SYN2: variants seen among roughly 807,000 people sequenced by gnomAD.
SYN2 encodes synapsin-2.
In SYN2, 19 loss-of-function variants were observed where a neutral mutation model predicts 50.9. The observed-to-expected ratio is 0.37, with a 90% CI of 0.26 to 0.55. SYN2 has a LOEUF of 0.55. SYN2 is among the 20% of genes least tolerant of loss of function. The pLI, the probability that SYN2 is intolerant of heterozygous loss-of-function variation, is 0.81. For synonymous variants in SYN2, 255 were observed against 224.9 expected (o/e 1.13, Z -1.20); for missense variants, 587 against 576.4 (o/e 1.02, Z -0.19).
At chr3:12,058,334 G>A (rs1695039835) in intron 1 of SYN2, among the ~76,000 whole-genome samples, 1 of 152,138 alleles carries the variant, frequency 6.6e-6, no homozygotes, top group African/African-American at 2.4e-5. Flanking sequence ...ATTAAGATAT[G>A]CTATTATGCT....
At chr3:12,153,495 G>C in intron 5 of SYN2, 1 of 1,612,430 alleles carries the variant, frequency 6.2e-7, no homozygotes, top group Non-Finnish European at 8.5e-7. Flanking sequence ...TTGAAGGGAT[G>C]TGATGGTCAC....
In SYN2 at chr3:12,071,240, G is replaced by A. The variant is rs575631237; in HGVS notation, c.377+66312G>A. 4.9e-5 allele frequency: 27 copies of A among 554,826 alleles called. 1 individual carries two copies. Among genetic ancestry groups the A allele is most frequent in the South Asian group, 1.6e-4 (11 of 68,122 alleles). The allele number at this position is 554,826 out of a possible 1,614,324, so 34.4% of individuals were successfully genotyped here. ...ATCAAGATCATCGTGCCCCCAGAGCGCAAGTACTCTGTGTGGATCTGCAGC... is the reference window on the plus strand; with the variant it reads ...ATCAAGATCATCGTGCCCCCAGAGCACAAGTACTCTGTGTGGATCTGCAGC... On this transcript the variant is annotated intron_variant, in intron 1 of 12. Transcript: ENST00000621198.
chr3:12,167,069 TG>T (rs1697817686), intron 7 of SYN2, among the ~76,000 whole-genome samples, 164 bp from the exon 8 acceptor site: 1 of 152,188 alleles, frequency 6.6e-6, no homozygotes, highest in Non-Finnish European at 1.5e-5. Flanking sequence ...GGTGGGGATT[TG>T]GCAGAGGCAC....
intron 1 of SYN2, among the ~76,000 whole-genome samples, chr3:12,081,500 C>G (rs1695586903): frequency 6.6e-6 from 1 of 151,868 alleles, no homozygotes; most frequent in Admixed American, 6.6e-5. Context: ...GTTATCAATG[C>G]AAATTGCAAA....
chr3:12,161,246 T>A (rs1697640964), intron 5 of SYN2, among the ~76,000 whole-genome samples: 3 of 152,210 alleles, frequency 2.0e-5, no homozygotes. Flanking sequence ...ATTCTCTTTG[T>A]CTGAGGGCCA....
At chr3:12,164,819 T>A (rs1292753380) in intron 7 of SYN2, among the ~76,000 whole-genome samples, 1 of 152,118 alleles carries the variant, frequency 6.6e-6, no homozygotes, top group East Asian at 1.9e-4. Flanking sequence ...AATGTAAGGA[T>A]GATGTTATTT....
At chr3:12,086,630 G>A (rs1199404010) in intron 1 of SYN2, among the ~76,000 whole-genome samples, 7 of 152,120 alleles carry the variant, frequency 4.6e-5, no homozygotes, top group East Asian at 1.9e-4. Context: ...TCATCATCTC[G>A]ATAGATGCAA....
intron 1 of SYN2, among the ~76,000 whole-genome samples, chr3:12,110,657 T>C (rs1466189318): frequency 1.3e-5 from 2 of 152,184 alleles, no homozygotes; most frequent in African/African-American, 4.8e-5. Flanking sequence ...TTCTGTGCAC[T>C]TGTACAGCAC....
chr3:12,070,721 C>T, intron 1 of SYN2: 1 of 923,568 alleles, frequency 1.1e-6, no homozygotes, highest in South Asian at 1.3e-5. Context: ...GTCACTCATA[C>T]AGTGCCCATC....
intron 1 of SYN2, among the ~76,000 whole-genome samples, chr3:12,061,752 T>A (rs1695116675): frequency 6.6e-6 from 1 of 151,238 alleles, no homozygotes; most frequent in African/African-American, 2.4e-5. Context: ...CAATGAAAAA[T>A]TAAAAAAACA....
In SYN2 at chr3:12,178,466, C is replaced by G. The variant is rs534375287; in HGVS notation, c.1309-4846C>G. Reference sequence around the variant, plus strand: ...TTGACAAAAACCCACAAACCCTCATCCATGGGCTTGGTTTCTGTCACAGGC... The same window carrying G: ...TTGACAAAAACCCACAAACCCTCATGCATGGGCTTGGTTTCTGTCACAGGC... On this transcript the variant is annotated intron_variant, in intron 10 of 12. Transcript: ENST00000621198. Among the ~76,000 whole-genome samples, 6 of 152,336 alleles carry G rather than the reference C, an allele frequency of 3.9e-5. No homozygotes were observed. In the East Asian group the frequency reaches 1.2e-3, roughly 29 times the overall value.
At chr3:12,089,765 G>A (rs1695785671) in intron 1 of SYN2, among the ~76,000 whole-genome samples, 1 of 152,186 alleles carries the variant, frequency 6.6e-6, no homozygotes, top group East Asian at 1.9e-4. Context: ...GGAGTCAAGG[G>A]AAGATAATTG....
chr3:12,148,943 T>C (rs1165811346), intron 4 of SYN2, among the ~76,000 whole-genome samples: 1 of 152,210 alleles, frequency 6.6e-6, no homozygotes. Flanking sequence ...TATCAGATGT[T>C]ACATTTGTTT....
At chr3:12,180,859 G>A (rs1477893080) in intron 10 of SYN2, among the ~76,000 whole-genome samples, 1 of 152,192 alleles carries the variant, frequency 6.6e-6, no homozygotes, top group Non-Finnish European at 1.5e-5. Context: ...AGCCTACATG[G>A]TGTGATCACC....
At chr3:12,067,746 C>T (rs1013967450) in intron 1 of SYN2, among the ~76,000 whole-genome samples, 22 of 152,110 alleles carry the variant, frequency 1.4e-4, no homozygotes, top group African/African-American at 3.1e-4. Flanking sequence ...CTTAAGCATT[C>T]TATAAATTTT....
At chr3:12,103,944 T>C (rs867741335) in intron 1 of SYN2, among the ~76,000 whole-genome samples, 4 of 152,048 alleles carry the variant, frequency 2.6e-5, no homozygotes, top group Admixed American at 6.6e-5. Context: ...TTTAAAATAA[T>C]CCAATTATAT....
At position 12,094,578 on chromosome 3, in the gene SYN2, C is replaced by T. The variant is rs560579549; in HGVS notation, c.378-46073C>T. 2.0e-5 allele frequency among the ~76,000 whole-genome samples: 3 copies of T among 152,312 alleles called. No individual in the cohort carries two copies. The East Asian group carries it at 5.8e-4, about 29-fold the overall frequency. On this transcript the variant is annotated intron_variant, in intron 1 of 12. Coordinates refer to ENST00000621198, the MANE Select transcript of SYN2 (RefSeq NM_133625.6). The stretch of plus-strand genomic sequence containing the variant: ...CTTTTTGTGTAACCACAGTAAGTAA[C>T]TTAGCCATTCTGAGTCTCAGTTTCA...
At chr3:12,005,063 A>T in intron 1 of SYN2, 135 bp downstream of exon 1, 1 of 382,948 alleles carries the variant, frequency 2.6e-6, no homozygotes. Flanking sequence ...CGCTGGGAGG[A>T]GGTGCGGGCT....
chr3:12,072,026 T>C (rs1426488788), intron 1 of SYN2, among the ~76,000 whole-genome samples: 4 of 152,180 alleles, frequency 2.6e-5, no homozygotes, highest in Non-Finnish European at 5.9e-5. Flanking sequence ...TCTACTGTTA[T>C]GTGAGAACAT....
Sources: gnomAD v4.1 joint callset for allele counts (sites outside exome capture counted in the v4.1 genomes callset) on GRCh38, gnomAD v4.1.1 for gene constraint, MANE v1.5 for transcripts, NCBI Gene and HGNC (gene_info 2026-07-23, HGNC 2026-07-21) for gene names.